Variants in TAX1BP3 observed in about 807,000 individuals in gnomAD.
The protein encoded by TAX1BP3 is tax1-binding protein 3.
TAX1BP3 carries 13 observed loss-of-function variants against 15.3 expected under a neutral mutation model. The observed-to-expected ratio is 0.85, with a 90% CI of 0.55 to 1.35. TAX1BP3 has a LOEUF of 1.35. TAX1BP3 is among the 40% of genes most tolerant of loss of function. The pLI is 0.00. For missense variants in TAX1BP3, 147 were observed against 169.6 expected, an observed-to-expected ratio of 0.87 and a Z score of 0.74; for synonymous variants, 70 against 66.0, an observed-to-expected ratio of 1.06 and a Z score of -0.30.
chr17:3,664,751 C>G lies in TAX1BP3; in HGVS notation c.87G>C (p.Leu29=). The change falls in exon 2 of 4, where the codon CTG becomes CTC. Residue 29 remains leucine (L), a synonymous_variant. Coordinates refer to ENST00000225525, the MANE Select transcript of TAX1BP3 (RefSeq NM_014604.4). ...CGATTCCACCTCCAATGCTGAAACCCAGGATTAAGTTCTCACCTTGACGCA... is the reference window on the plus strand; with the variant it reads ...CGATTCCACCTCCAATGCTGAAACCGAGGATTAAGTTCTCACCTTGACGCA... ...HKLRQGENLI[L]GFSIGGGIDQ... 6.2e-7 allele frequency: 1 copy of G among 1,613,866 alleles called. No individual in the cohort carries two copies. The highest frequency in any genetic ancestry group is 8.5e-7 in the Non-Finnish European group (1 of 1,179,922).
intron 1 of TAX1BP3, chr17:3,665,740 TCCAAAAAAAAAAA>T (rs1314474567): frequency 2.2e-4 from 26 of 116,004 alleles, no homozygotes; most frequent in South Asian, 9.5e-4. Context: ...ATCTCTGGGC[TCCAAAAAAAAAAA>T]AAAAAAAAAA....
intron 3 of TAX1BP3, 138 bp from the exon 4 acceptor site, chr17:3,664,023 G>A (rs767703143): frequency 7.4e-5 from 107 of 1,446,930 alleles, no homozygotes; most frequent in Non-Finnish European, 9.5e-5. Context: ...AAGCACTGTG[G>A]CTGAGACACA....
In TAX1BP3 at chr17:3,663,792, G is replaced by C; in HGVS notation, c.331C>G (p.Arg111Gly). The C allele has an allele frequency of 7.5e-6, 12 of 1,607,222 alleles. No homozygotes were observed. Among genetic ancestry groups the C allele is most frequent in the Non-Finnish European group, 1.0e-5 (12 of 1,179,738 alleles). ...TGCACGGCCTTCTGCAGCGACTGCC[G>C]CGTCACCAGCAGACGCACCACCTCC... The part of the protein sequence containing the change: ...SEEVVRLLVT[R>G]QSLQKAVQQS... The change falls in exon 4 of 4, where the codon CGG becomes GGG. Residue 111 changes from arginine (R) to glycine (G), a missense_variant. Physicochemically the swap from Arg to Gly is moderately radical, Grantham distance 125. Transcript: ENST00000225525.
chr17:3,664,376 C>T, intron 2 of TAX1BP3, 104 bp from the exon 3 acceptor site: 3 of 1,334,844 alleles, frequency 2.2e-6, no homozygotes, highest in East Asian at 4.7e-5. Context: ...TCTGTCCCTG[C>T]ACCCAGCCTC....
rs772749973 is a variant in TAX1BP3, at chr17:3,664,674, C to G, written c.159+5G>C. Reference sequence around the variant, plus strand: ...GAGCGGTCCCAGGACCCCAGACCCCCTCACCTTGTCCGTCTTGTCTTCAGA... The same window carrying G: ...GAGCGGTCCCAGGACCCCAGACCCCGTCACCTTGTCCGTCTTGTCTTCAGA... On this transcript the variant is annotated splice_donor_5th_base_variant and intron_variant, in intron 2 of 3. Coordinates refer to ENST00000225525, the MANE Select transcript of TAX1BP3 (RefSeq NM_014604.4). 1 of 1,613,732 alleles carries G rather than the reference C, an allele frequency of 6.2e-7. No homozygotes were observed. Among genetic ancestry groups the G allele is most frequent in the Non-Finnish European group, 8.5e-7 (1 of 1,179,944 alleles).
At chr17:3,665,590 C>G in intron 1 of TAX1BP3, 3 of 1,359,454 alleles carry the variant, frequency 2.2e-6, no homozygotes, top group Non-Finnish European at 2.1e-6. Flanking sequence ...GAGAAAGGTA[C>G]CTGGGTTCAA....
intron 1 of TAX1BP3, among the ~76,000 whole-genome samples, chr17:3,667,599 C>A (rs879019586): frequency 6.6e-6 from 1 of 152,196 alleles, no homozygotes; most frequent in African/African-American, 2.4e-5. Context: ...TACTGCCCAC[C>A]GGGCAGGCAT....
At chr17:3,665,341 A>G in intron 1 of TAX1BP3, 1 of 1,251,872 alleles carries the variant, frequency 8.0e-7, no homozygotes. Flanking sequence ...GATACTGTAG[A>G]CATCAAGGGA....
At chr17:3,667,209 G>C (rs193097867) in intron 1 of TAX1BP3, among the ~76,000 whole-genome samples, 2 of 152,068 alleles carry the variant, frequency 1.3e-5, no homozygotes, top group Non-Finnish European at 2.9e-5. Context: ...TGGGCATGCT[G>C]GTGCATGCCT....
intron 1 of TAX1BP3, among the ~76,000 whole-genome samples, chr17:3,666,968 G>A (rs2076346032): frequency 1.3e-5 from 2 of 152,162 alleles, no homozygotes. Flanking sequence ...GTGGCTTGCT[G>A]TAGCTCCTCA....
chr17:3,666,150 AAGC>A (rs1216540342), intron 1 of TAX1BP3, among the ~76,000 whole-genome samples: 2 of 152,202 alleles, frequency 1.3e-5, no homozygotes, highest in Non-Finnish European at 2.9e-5. Context: ...GAAAAGAAAA[AAGC>A]AGAAGACCAC....
intron 1 of TAX1BP3, among the ~76,000 whole-genome samples, chr17:3,667,046 T>C (rs2076347171): frequency 6.6e-6 from 1 of 151,992 alleles, no homozygotes; most frequent in African/African-American, 2.4e-5. Context: ...GGTAGGGATC[T>C]AAAAAAGCCA....
At chr17:3,664,115 G>A (rs1369461223) in intron 3 of TAX1BP3, 80 bp downstream of exon 3, 8 of 1,566,164 alleles carry the variant, frequency 5.1e-6, no homozygotes, top group Non-Finnish European at 5.3e-6. Flanking sequence ...CAGCTGGGAG[G>A]CTGGGGCAGC....
chr17:3,668,392 G>T lies in TAX1BP3; in HGVS notation c.39+96C>A. 6 of 1,475,530 alleles carry T rather than the reference G, an allele frequency of 4.1e-6. No individual in the cohort carries two copies. The highest frequency in any genetic ancestry group is 5.5e-6 in the Non-Finnish European group (6 of 1,097,068). 91.4% of individuals were successfully genotyped at this position (1,475,530 alleles called of 1,614,324 possible). ...TGCCGCCGGTTCGCAGGAGCCCCGG[G>T]TTCGATGCTCTGTCAACCTGCTTGG... On this transcript the variant is annotated intron_variant, in intron 1 of 3. Transcript: ENST00000225525. The surrounding 1 kb of genome is among the most constrained non-coding windows in gnomAD (Gnocchi z 4.1).
At chr17:3,664,606 C>A (rs2076318838) in intron 2 of TAX1BP3, 73 bp downstream of exon 2, 5 of 1,578,672 alleles carry the variant, frequency 3.2e-6, no homozygotes, top group Middle Eastern at 3.3e-4. Flanking sequence ...CCATGCAGGC[C>A]CAGGAAGCAG....
intron 1 of TAX1BP3, among the ~76,000 whole-genome samples, chr17:3,665,894 G>A (rs184417859): frequency 9.8e-5 from 15 of 152,334 alleles, no homozygotes; most frequent in Admixed American, 9.1e-4. Context: ...AAAGTGTAAG[G>A]CTGGGGCCAG....
intron 2 of TAX1BP3, 46 bp from the exon 3 acceptor site, chr17:3,664,318 C>T: frequency 1.2e-6 from 2 of 1,607,570 alleles, no homozygotes; most frequent in Non-Finnish European, 1.7e-6. Flanking sequence ...ACTGGACTGG[C>T]CCCTTATCAC....
intron 1 of TAX1BP3, among the ~76,000 whole-genome samples, chr17:3,667,409 T>C (rs1486405007): frequency 2.7e-5 from 4 of 148,830 alleles, no homozygotes; most frequent in Non-Finnish European, 5.9e-5. Flanking sequence ...TGTCAGCTGG[T>C]CCAGCAATGT....
chr17:3,668,133 G>A lies in TAX1BP3; in HGVS notation c.39+355C>T, dbSNP rs1241160033. ...CCTCATTCCAGAGGCTGCGACTCAT[G>A]GACGTCGGGATCGGCGCCCGCCCCC... On this transcript the variant is annotated intron_variant, in intron 1 of 3. Coordinates refer to ENST00000225525, the MANE Select transcript of TAX1BP3 (RefSeq NM_014604.4). This position sits in a 1 kb window ranked among gnomAD's most constrained non-coding sequence, Gnocchi z 4.1. Among the ~76,000 whole-genome samples the A allele has an allele frequency of 1.3e-5, 2 of 152,248 alleles. No individual in the cohort carries two copies. The highest frequency in any genetic ancestry group is 6.5e-5 in the Admixed American group (1 of 15,292).
Sources: allele counts gnomAD v4.1 joint callset (sites outside exome capture counted in the v4.1 genomes callset), GRCh38; gene constraint gnomAD v4.1.1; non-coding constraint Gnocchi (gnomAD v3.1); transcripts MANE v1.5; gene names NCBI Gene and HGNC (gene_info 2026-07-23, HGNC 2026-07-21).